GOSR1: variants seen among roughly 807,000 people sequenced by gnomAD.
GOSR1 encodes the protein 28 kDa Golgi SNARE protein.
GOSR1 carries 21 observed loss-of-function variants against 35.5 expected under a neutral mutation model. The ratio of observed to expected loss-of-function variants is 0.59; its 90% CI spans 0.42 to 0.85. The LOEUF (loss-of-function observed/expected upper bound fraction) is 0.85, where lower values mean the gene tolerates loss of function less well. Among genes scored for constraint, GOSR1 ranks in the 40% least tolerant of loss-of-function variants. GOSR1 has a pLI of 0.00. For missense variants in GOSR1, 285 were observed against 309.6 expected, an observed-to-expected ratio of 0.92 and a Z score of 0.60; for synonymous variants, 94 against 106.6, an observed-to-expected ratio of 0.88 and a Z score of 0.73.
chr17:30,481,116 T>C (rs1203530058), intron 1 of GOSR1, 27 bp from the exon 2 acceptor site: 2 of 1,486,452 alleles, frequency 1.3e-6, no homozygotes, highest in South Asian at 2.3e-5. Flanking sequence ...TTATGTCTAA[T>C]TATTTGTTGT....
chr17:30,513,264 G>A (rs1461310001), intron 7 of GOSR1, among the ~76,000 whole-genome samples: 2 of 152,026 alleles, frequency 1.3e-5, no homozygotes, highest in Non-Finnish European at 2.9e-5. Context: ...TGTATGACTT[G>A]TATTATCTGT....
At position 30,524,594 on chromosome 17, in the gene GOSR1, C is replaced by G. The variant is rs568617175; in HGVS notation, c.*2216C>G. On this transcript the variant is annotated 3_prime_UTR_variant, in exon 9 of 9. Coordinates refer to ENST00000451249, the MANE Select transcript of GOSR1 (RefSeq NM_001007025.2). ...TTTCTACTGAAAAGAAATGAAATCT[C>G]AGTTCCACTATGATAAAAGAAACGA... The G allele has an allele frequency of 6.6e-6, 1 of 152,090 alleles. No homozygotes were observed. Among genetic ancestry groups the G allele is most frequent in the Non-Finnish European group, 1.5e-5 (1 of 67,998 alleles). 9.4% of individuals were successfully genotyped at this position (152,090 alleles called of 1,614,324 possible).
intron 6 of GOSR1, among the ~76,000 whole-genome samples, chr17:30,509,955 C>T (rs1362613561): frequency 6.6e-6 from 1 of 152,146 alleles, no homozygotes; most frequent in East Asian, 1.9e-4. Context: ...CAACTTTGAG[C>T]TATTTAAAGA....
chr17:30,502,367 T>C (rs1967242305), intron 6 of GOSR1, among the ~76,000 whole-genome samples: 1 of 152,206 alleles, frequency 6.6e-6, no homozygotes, highest in Non-Finnish European at 1.5e-5. Context: ...TACTGGGTGA[T>C]CAGTTGTAAC....
intron 6 of GOSR1, among the ~76,000 whole-genome samples, chr17:30,507,655 G>A (rs190895570): frequency 2.0e-5 from 3 of 150,886 alleles, no homozygotes; most frequent in Non-Finnish European, 4.4e-5. Flanking sequence ...CCCAGGAGGC[G>A]AAGGCTGCAG....
chr17:30,522,302 A>G lies in GOSR1; in HGVS notation c.671A>G (p.Lys224Arg), dbSNP rs1189504857. Residue 224 changes from lysine (K) to arginine (R), a missense_variant, in exon 9 of 9, where the codon AAG becomes AGG. Physicochemically the swap from Lys to Arg is conservative, Grantham distance 26 (BLOSUM62 2). Around this residue, in one of 3 missense-constraint regions of GOSR1, gnomAD observed 168 missense variants for 183.2 expected, o/e 0.92. Transcript: ENST00000451249. Reference sequence around the variant, plus strand: ...CTGATCCAGAGGATCAACCTGAGGAAGCGGCGGGACTCGCTCATCCTAGGG... The same window carrying G: ...CTGATCCAGAGGATCAACCTGAGGAGGCGGCGGGACTCGCTCATCCTAGGG... ...NSLIQRINLRKRRDSLILGGV... is the reference protein window; with the variant it reads ...NSLIQRINLRRRRDSLILGGV... The G allele has an allele frequency of 6.2e-7, 1 of 1,610,390 alleles. No homozygotes were observed. The highest frequency in any genetic ancestry group is 2.2e-5 in the East Asian group (1 of 44,770).
chr17:30,491,732 G>A (rs1350362797), intron 5 of GOSR1, among the ~76,000 whole-genome samples: 1 of 152,038 alleles, frequency 6.6e-6, no homozygotes, highest in Non-Finnish European at 1.5e-5. Flanking sequence ...GAAAGTATAT[G>A]TAGTAGTTTA....
intron 7 of GOSR1, among the ~76,000 whole-genome samples, chr17:30,511,305 C>G (rs1223560193): frequency 6.6e-6 from 1 of 152,170 alleles, no homozygotes; most frequent in East Asian, 1.9e-4. Context: ...AGTAATAGTT[C>G]ATAGTATCTG....
At position 30,492,680 on chromosome 17, in the gene GOSR1, T is replaced by A. The variant is rs748940307; in HGVS notation, c.436T>A (p.Ser146Thr). Residue 146 changes from serine to threonine, a missense_variant and splice_region_variant, in exon 6 of 9, where the codon TCA (serine) becomes ACA (threonine). Physicochemically the swap from Ser to Thr is moderately conservative, Grantham distance 58. Coordinates refer to ENST00000451249, the MANE Select transcript of GOSR1 (RefSeq NM_001007025.2). ...LMGSVRKDIESYKSGSGVNNR... is the reference protein window; with the variant it reads ...LMGSVRKDIETYKSGSGVNNR... Reference sequence around the variant, plus strand: ...TTTAAATTTTCTCTTTTGTCCCAGGTCATATAAAAGTGGGTCTGGAGTAAA... The same window carrying A: ...TTTAAATTTTCTCTTTTGTCCCAGGACATATAAAAGTGGGTCTGGAGTAAA... 6.4e-7 allele frequency: 1 copy of A among 1,566,462 alleles called. No individual in the cohort carries two copies. Among genetic ancestry groups the A allele is most frequent in the East Asian group, 2.2e-5 (1 of 44,526 alleles).
rs1157747030 is a variant in GOSR1 at position 30,487,860 on chromosome 17, C to T, written c.343-2266C>T. ...GTGCGATCTCGGCTCACTGCAGCCT[C>T]CACGTCCTGGGTTCAAGCGATTCTT... On this transcript the variant is annotated intron_variant, in intron 4 of 8. Transcript: ENST00000451249. Among the ~76,000 whole-genome samples, 3 of 152,224 alleles carry T rather than the reference C, an allele frequency of 2.0e-5. No homozygotes were observed. In the Middle Eastern group the frequency reaches 0.01, roughly 518 times the overall value.
chr17:30,506,091 C>T (rs1967394309), intron 6 of GOSR1, among the ~76,000 whole-genome samples: 1 of 152,140 alleles, frequency 6.6e-6, no homozygotes, highest in Non-Finnish European at 1.5e-5. Flanking sequence ...TCCTCAGGCC[C>T]CTCTCTATTA....
chr17:30,520,202 TA>T, intron 8 of GOSR1, 181 bp downstream of exon 8: 1 of 479,808 alleles, frequency 2.1e-6, no homozygotes, highest in South Asian at 4.9e-5. Flanking sequence ...GTACCATTCC[TA>T]AAAGACTGCA....
intron 8 of GOSR1, 22 bp from the exon 9 acceptor site, chr17:30,522,232 C>T (rs1968062633): frequency 6.3e-7 from 1 of 1,586,928 alleles, no homozygotes. Context: ...CCAAATATGA[C>T]CTTAATAAAG....
chr17:30,484,651 C>G lies in GOSR1; in HGVS notation c.235-12C>G, dbSNP rs79205062. On this transcript the variant is annotated splice_polypyrimidine_tract_variant and intron_variant, in intron 3 of 8. Coordinates refer to ENST00000451249, the MANE Select transcript of GOSR1 (RefSeq NM_001007025.2). ...AAAATATTTTGATTGTTTTTTTTTT[C>G]TTTATTTCTAGCTTACAGGGGTAAA... 3 of 1,161,362 alleles carry G rather than the reference C, an allele frequency of 2.6e-6. No individual in the cohort carries two copies. Among genetic ancestry groups the G allele is most frequent in the Non-Finnish European group, 3.6e-6 (3 of 841,958 alleles). 71.9% of individuals were successfully genotyped at this position (1,161,362 alleles called of 1,614,324 possible).
intron 6 of GOSR1, among the ~76,000 whole-genome samples, chr17:30,494,775 CTT>C: frequency 1.3e-5 from 2 of 151,642 alleles, no homozygotes; most frequent in Middle Eastern, 6.8e-3. Context: ...ACCCAGCTAA[CTT>C]TTGTATTTTT....
chr17:30,484,161 T>C (rs1914526303), intron 2 of GOSR1, 53 bp from the exon 3 acceptor site: 1 of 895,216 alleles, frequency 1.1e-6, no homozygotes, highest in South Asian at 1.3e-5. Context: ...TTTAAGTATG[T>C]TTTAAAGGAC....
At chr17:30,480,180 G>A (rs566017435) in intron 1 of GOSR1, 1 of 152,078 alleles carries the variant, frequency 6.6e-6, no homozygotes, top group Non-Finnish European at 1.5e-5. Flanking sequence ...GGTGGTGTGT[G>A]CCTGTAGTCC....
intron 6 of GOSR1, among the ~76,000 whole-genome samples, chr17:30,504,336 C>G (rs1052504036): frequency 6.6e-6 from 1 of 152,104 alleles, no homozygotes; most frequent in African/African-American, 2.4e-5. Flanking sequence ...CAGTTGGTTT[C>G]ATTTTCAAGT....
intron 7 of GOSR1, among the ~76,000 whole-genome samples, chr17:30,513,281 A>C (rs1967678420): frequency 6.6e-6 from 1 of 152,204 alleles, no homozygotes; most frequent in Non-Finnish European, 1.5e-5. Context: ...CTGTTGTTGA[A>C]AAAAAGGTGA....
Sources: gnomAD v4.1 joint callset for allele counts (sites outside exome capture counted in the v4.1 genomes callset) on GRCh38, gnomAD v4.1.1 for gene constraint, gnomAD v4.1.1 regional missense constraint, MANE v1.5 for transcripts, NCBI Gene and HGNC (gene_info 2026-07-23, HGNC 2026-07-21) for gene names.